Variants in CACNA1E observed in about 807,000 individuals in gnomAD.
CACNA1E encodes calcium voltage-gated channel subunit alpha1 E.
CACNA1E carries 40 observed loss-of-function variants against 259.2 expected under a neutral mutation model. That is an observed-to-expected ratio of 0.15 (90% CI 0.12 to 0.20). The LOEUF (loss-of-function observed/expected upper bound fraction) is 0.20. Among genes scored for constraint, CACNA1E ranks in the 10% least tolerant of loss-of-function variants. The probability of loss-of-function intolerance (pLI) is 1.00; values close to 1 mark genes in which losing one functional copy is unlikely to be tolerated. For missense variants in CACNA1E, 1,874 were observed against 3,040.1 expected, an observed-to-expected ratio of 0.62 and a Z score of 9.02; for synonymous variants, 1,104 against 1,138.5, an observed-to-expected ratio of 0.97 and a Z score of 0.61.
At chr1:181,729,375 C>A (rs925700176) in intron 18 of CACNA1E, among the ~76,000 whole-genome samples, 2 of 152,252 alleles carry the variant, frequency 1.3e-5, no homozygotes, top group African/African-American at 4.8e-5. Context: ...ATGCCTTGCT[C>A]AGGTGTTCAT....
chr1:181,748,952 T>C lies in CACNA1E; in HGVS notation c.3720-1524T>C, dbSNP rs569623205. On this transcript the variant is annotated intron_variant, in intron 25 of 47. Transcript: ENST00000367573. The stretch of plus-strand genomic sequence containing the variant: ...GGCTGACCTACCATATGCCCTGTCT[T>C]ATATGTGAGAAGATGCTGGGGAAGA... 4.6e-5 allele frequency among the ~76,000 whole-genome samples: 7 copies of C among 152,316 alleles called. No individual in the cohort carries two copies. In the South Asian group the frequency reaches 1.5e-3, roughly 32 times the overall value.
chr1:181,783,059 G>C (rs1414888008), intron 39 of CACNA1E, among the ~76,000 whole-genome samples: 1 of 152,056 alleles, frequency 6.6e-6, no homozygotes, highest in Admixed American at 6.6e-5. Flanking sequence ...CTACCCCAGA[G>C]CCTGTTTGCA....
At chr1:181,607,602 C>T (rs188618199) in intron 6 of CACNA1E, among the ~76,000 whole-genome samples, 3 of 152,142 alleles carry the variant, frequency 2.0e-5, no homozygotes, top group South Asian at 2.1e-4. Context: ...CTGCAAAATG[C>T]GAATGAGATT....
At chr1:181,372,717 A>C in intron 1 of CACNA1E, among the ~76,000 whole-genome samples, 1 of 151,818 alleles carries the variant, frequency 6.6e-6, no homozygotes, top group East Asian at 1.9e-4. Context: ...TCATTCAGTA[A>C]GATGCTGGTT....
chr1:181,690,668 G>T (rs1651058375), intron 7 of CACNA1E, among the ~76,000 whole-genome samples: 1 of 152,072 alleles, frequency 6.6e-6, no homozygotes, highest in Admixed American at 6.5e-5. Flanking sequence ...GTGGTTTGTA[G>T]TTCTCCTTGA....
chr1:181,441,513 T>A (rs547715129), intron 2 of CACNA1E, among the ~76,000 whole-genome samples: 17 of 150,410 alleles, frequency 1.1e-4, no homozygotes, highest in African/African-American at 4.1e-4. Flanking sequence ...GCTATAGGTT[T>A]AAGAACACAA....
rs1284006217 is a variant in CACNA1E, at chr1:181,319,066, GT to G, written c.-15+944del. 3.3e-5 allele frequency among the ~76,000 whole-genome samples: 5 copies of G among 152,184 alleles called. No individual in the cohort carries two copies. The East Asian group carries it at 9.6e-4, about 29-fold the overall frequency. Reference sequence around the variant, plus strand: ...CTTCCTCCTTGCGCAGAGGACTGAGGTCACTTGCTGCAGTCGTGTCTGTGAG... The same window carrying G: ...CTTCCTCCTTGCGCAGAGGACTGAGGCACTTGCTGCAGTCGTGTCTGTGAG... On this transcript the variant is annotated intron_variant, in intron 1 of 11. Coordinates refer to the CACNA1E transcript ENST00000524607.
chr1:181,425,516 G>A (rs1429509493), intron 2 of CACNA1E, among the ~76,000 whole-genome samples: 1 of 149,348 alleles, frequency 6.7e-6, no homozygotes, highest in African/African-American at 2.5e-5. Flanking sequence ...TTATGAAATT[G>A]CTGTACACCC....
intron 6 of CACNA1E, among the ~76,000 whole-genome samples, chr1:181,583,212 C>T (rs1291971376): frequency 6.6e-6 from 1 of 151,914 alleles, no homozygotes; most frequent in Non-Finnish European, 1.5e-5. Context: ...ATTATAAATA[C>T]ATGTATACAT....
chr1:181,578,182 G>A (rs1651164369), intron 4 of CACNA1E, among the ~76,000 whole-genome samples: 1 of 152,060 alleles, frequency 6.6e-6, no homozygotes, highest in African/African-American at 2.4e-5. Flanking sequence ...TTTTTCCCCT[G>A]TGCATTTTAA....
chr1:181,540,856 T>A (rs1274033457), intron 3 of CACNA1E, among the ~76,000 whole-genome samples: 1 of 152,200 alleles, frequency 6.6e-6, no homozygotes, highest in Admixed American at 6.5e-5. Context: ...GGCTCCTGTG[T>A]CTTATAAAAG....
intron 3 of CACNA1E, among the ~76,000 whole-genome samples, chr1:181,549,621 G>T (rs1254470733): frequency 2.6e-5 from 4 of 152,178 alleles, no homozygotes; most frequent in Admixed American, 2.6e-4. Flanking sequence ...TGTCTAAAGG[G>T]GGATGATGGG....
chr1:181,701,262 G>C (rs1652222930), intron 7 of CACNA1E, among the ~76,000 whole-genome samples: 1 of 152,178 alleles, frequency 6.6e-6, no homozygotes, highest in Non-Finnish European at 1.5e-5. Context: ...AAAGCTTTTG[G>C]GGAGGGAGCT....
chr1:181,515,337 G>T (rs1202330165), intron 3 of CACNA1E, among the ~76,000 whole-genome samples: 3 of 152,216 alleles, frequency 2.0e-5, no homozygotes, highest in Non-Finnish European at 2.9e-5. Flanking sequence ...TTAACTGTCA[G>T]CATAGCATGG....
chr1:181,725,756 A>T (rs1654846806), intron 17 of CACNA1E, among the ~76,000 whole-genome samples: 1 of 152,234 alleles, frequency 6.6e-6, no homozygotes, highest in Admixed American at 6.5e-5. Context: ...AGCCATAGCC[A>T]GCTCCACTGA....
At chr1:181,669,771 G>A (rs529829082) in intron 7 of CACNA1E, among the ~76,000 whole-genome samples, 1 of 152,290 alleles carries the variant, frequency 6.6e-6, no homozygotes, top group Admixed American at 6.5e-5. Context: ...TGTTTTCAGT[G>A]TGCATAATTC....
chr1:181,563,739 C>G (rs898345242), intron 3 of CACNA1E, among the ~76,000 whole-genome samples: 4 of 152,158 alleles, frequency 2.6e-5, no homozygotes, highest in Admixed American at 6.5e-5. Flanking sequence ...TATACTGGCT[C>G]CATGCCAGTT....
At position 181,732,494 on chromosome 1, in the gene CACNA1E, C is replaced by T. The variant is rs566701744; in HGVS notation, c.2408C>T (p.Pro803Leu). 54 of 1,551,590 alleles carry T rather than the reference C, an allele frequency of 3.5e-5. No homozygotes were observed. The Admixed American group carries it at 5.9e-4, about 17-fold the overall frequency. The part of the protein sequence containing the change: ...SQEALNREEA[P>L]TMNPLNPLNP... The stretch of plus-strand genomic sequence containing the variant: ...GAGGCCCTCAACAGAGAGGAGGCGC[C>T]GACCATGAACCCGCTCAACCCCCTC... Residue 803 changes from proline (P) to leucine (L), a missense_variant, in exon 20 of 48, where the codon CCG becomes CTG. By Grantham distance (98) the Pro-to-Leu change is moderately conservative (BLOSUM62 -3). Around this residue, in one of 14 missense-constraint regions of CACNA1E, gnomAD observed 476 missense variants for 514.0 expected, o/e 0.93. Coordinates refer to ENST00000367573, the MANE Select transcript of CACNA1E (RefSeq NM_001205293.3). This position sits in a 1 kb window ranked among gnomAD's most constrained non-coding sequence, Gnocchi z 5.5.
chr1:181,454,803 C>T (rs946091888), intron 2 of CACNA1E, among the ~76,000 whole-genome samples: 1 of 152,122 alleles, frequency 6.6e-6, no homozygotes, highest in Non-Finnish European at 1.5e-5. Context: ...GTATTTATTC[C>T]ACATGTACTA....
Sources: allele counts gnomAD v4.1 joint callset (sites outside exome capture counted in the v4.1 genomes callset), GRCh38; gene constraint gnomAD v4.1.1; regional missense constraint gnomAD v4.1.1; non-coding constraint Gnocchi (gnomAD v3.1); transcripts MANE v1.5; gene names NCBI Gene and HGNC (gene_info 2026-07-23, HGNC 2026-07-21).